Variants in PDK1 observed in about 807,000 individuals in gnomAD.
PDK1 encodes pyruvate dehydrogenase kinase 1.
PDK1 carries 39 observed loss-of-function variants against 54.2 expected under a neutral mutation model. The ratio of observed to expected loss-of-function variants is 0.72; its 90% confidence interval spans 0.56 to 0.94. The LOEUF is 0.94. Among genes scored for constraint, PDK1 ranks in the 40% least tolerant of loss-of-function variants. The probability of loss-of-function intolerance (pLI) is 0.00; values close to 1 mark genes in which losing one functional copy is unlikely to be tolerated. For synonymous variants in PDK1, 221 were observed against 207.1 expected, an observed-to-expected ratio of 1.07 and a Z score of -0.58; for missense variants, 552 against 566.0, an observed-to-expected ratio of 0.98 and a Z score of 0.25.
intron 8 of PDK1, among the ~76,000 whole-genome samples, chr2:172,585,523 G>A (rs1045771379): frequency 6.6e-6 from 1 of 151,588 alleles, no homozygotes; most frequent in African/African-American, 2.4e-5. Context: ...ATGGGGTTTC[G>A]CTGTGTGGGC....
At position 172,564,539 on chromosome 2, in the gene PDK1, CAAT is replaced by C; in HGVS notation, c.448_450del (p.Asn150del). On this transcript the variant is annotated inframe_deletion, in exon 4 of 11. Coordinates refer to ENST00000282077, the MANE Select transcript of PDK1 (RefSeq NM_002610.5). Reference sequence around the variant, plus strand: ...CTGTGATACGGATCAGAAACCGACACAATGATGTCATTCCCACAATGGCCCAGG... The same window carrying C: ...CTGTGATACGGATCAGAAACCGACACGATGTCATTCCCACAATGGCCCAGG... 1 of 1,614,076 alleles carries C rather than the reference CAAT, an allele frequency of 6.2e-7. No homozygotes were observed. Among genetic ancestry groups the C allele is most frequent in the Non-Finnish European group, 8.5e-7 (1 of 1,179,954 alleles).
the PDK1 span, among the ~76,000 whole-genome samples, chr2:172,623,887 G>A: frequency 6.6e-6 from 1 of 152,158 alleles, no homozygotes; most frequent in African/African-American, 2.4e-5. Flanking sequence ...TCCATAGGTT[G>A]GTTTTCTACC....
At chr2:172,592,379 CTT>C (rs968403596) in intron 9 of PDK1, among the ~76,000 whole-genome samples, 21 of 152,126 alleles carry the variant, frequency 1.4e-4, no homozygotes, top group African/African-American at 4.8e-4. Flanking sequence ...TTGTGTCTCT[CTT>C]TCTCTCTCTC....
chr2:172,698,488 A>G, the PDK1 span, among the ~76,000 whole-genome samples: 1 of 152,176 alleles, frequency 6.6e-6, no homozygotes, highest in African/African-American at 2.4e-5. Context: ...CCACCTACCT[A>G]TATTCCCTGT....
At chr2:172,702,947 C>G in the PDK1 span, among the ~76,000 whole-genome samples, 28,747 of 152,072 alleles carry the variant, frequency 0.19, 3,303 homozygotes, top group African/African-American at 0.32. Flanking sequence ...CCCAAAATAT[C>G]AGTTCCTAAT....
the PDK1 span, among the ~76,000 whole-genome samples, chr2:172,632,335 T>G: frequency 6.6e-6 from 1 of 152,050 alleles, no homozygotes. Flanking sequence ...AACTTATAGA[T>G]TAATATAGGA....
At chr2:172,587,244 A>G (rs753350827) in intron 9 of PDK1, among the ~76,000 whole-genome samples, 11 of 152,186 alleles carry the variant, frequency 7.2e-5, no homozygotes, top group Non-Finnish European at 1.5e-4. Flanking sequence ...GAGTTACTTC[A>G]GATGTTCAGA....
intron 3 of PDK1, chr2:172,562,808 A>G (rs1044722051): frequency 1.9e-6 from 3 of 1,611,422 alleles, no homozygotes; most frequent in South Asian, 1.1e-5. Context: ...GATGTAAGTA[A>G]TATGACAATG....
At chr2:172,568,466 C>T (rs1689080486) in intron 6 of PDK1, among the ~76,000 whole-genome samples, 1 of 151,374 alleles carries the variant, frequency 6.6e-6, no homozygotes, top group Non-Finnish European at 1.5e-5. Flanking sequence ...TTAAAAAAGA[C>T]TTTACCATCC....
intron 8 of PDK1, among the ~76,000 whole-genome samples, chr2:172,583,757 ACT>A (rs1378773861): frequency 6.6e-6 from 1 of 152,106 alleles, no homozygotes; most frequent in African/African-American, 2.4e-5. Flanking sequence ...ATATATATAT[ACT>A]GTAACAATTT....
At chr2:172,644,150 ACCT>A in the PDK1 span, among the ~76,000 whole-genome samples, 32,941 of 152,148 alleles carry the variant, frequency 0.22, 3,690 homozygotes, top group Non-Finnish European at 0.25. Context: ...CACAGCAAAC[ACCT>A]GCTGTAGGTA....
At chr2:172,643,989 AT>A in the PDK1 span, among the ~76,000 whole-genome samples, 1 of 152,198 alleles carries the variant, frequency 6.6e-6, no homozygotes, top group Non-Finnish European at 1.5e-5. Flanking sequence ...GTGTTCCCCC[AT>A]TATATGAAAC....
chr2:172,670,690 A>G, the PDK1 span, among the ~76,000 whole-genome samples: 1 of 152,236 alleles, frequency 6.6e-6, no homozygotes, highest in African/African-American at 2.4e-5. Flanking sequence ...AATGAAATCA[A>G]TATTGCAATG....
At chr2:172,659,144 G>A in the PDK1 span, among the ~76,000 whole-genome samples, 5 of 152,068 alleles carry the variant, frequency 3.3e-5, no homozygotes, top group Non-Finnish European at 4.4e-5. Flanking sequence ...ACTATGTGAC[G>A]TCACCCCTTA....
chr2:172,721,244 A>G, the PDK1 span, among the ~76,000 whole-genome samples: 1 of 152,056 alleles, frequency 6.6e-6, no homozygotes, highest in Non-Finnish European at 1.5e-5. Context: ...AAAAATTATG[A>G]GTTTGTATTT....
rs575410435 is a variant in PDK1, at chr2:172,586,359, C to T, written c.1027C>T (p.Arg343Cys). 97 of 1,610,606 alleles carry T rather than the reference C, an allele frequency of 6.0e-5. 1 individual carries two copies. The South Asian group carries it at 6.8e-4, about 11-fold the overall frequency. Residue 343 changes from arginine (R) to cysteine (C), a missense_variant, in exon 9 of 11, where the codon CGT becomes TGT. By Grantham distance (180) the Arg-to-Cys change is radical. Coordinates refer to ENST00000282077, the MANE Select transcript of PDK1 (RefSeq NM_002610.5). ...CATGTATTCAACTGCACCAAGACCT[C>T]GTGTTGAGACCTCCCGCGCAGTGCC... ...NYMYSTAPRP[R>C]VETSRAVPLA...
intron 8 of PDK1, among the ~76,000 whole-genome samples, chr2:172,574,799 T>C (rs1222339417): frequency 1.3e-5 from 2 of 152,222 alleles, no homozygotes; most frequent in Non-Finnish European, 2.9e-5. Context: ...CAAATGTCTT[T>C]ATTAGTGCTA....
intron 1 of PDK1, chr2:172,558,286 T>G (rs570878761): frequency 6.5e-6 from 1 of 153,930 alleles, no homozygotes; most frequent in African/African-American, 2.4e-5. Context: ...GCACTTACTG[T>G]TTTTAAACCT....
the PDK1 span, among the ~76,000 whole-genome samples, chr2:172,689,263 G>A: frequency 6.6e-6 from 1 of 152,134 alleles, no homozygotes; most frequent in Non-Finnish European, 1.5e-5. Flanking sequence ...GCACTGATTG[G>A]AGCATTTTAC....
Sources: allele counts gnomAD v4.1 joint callset (sites outside exome capture counted in the v4.1 genomes callset), GRCh38; gene constraint gnomAD v4.1.1; transcripts MANE v1.5; gene names NCBI Gene and HGNC (gene_info 2026-07-23, HGNC 2026-07-21).